The following R3HDM1 variants were observed in gnomAD, a reference collection of about 807,000 sequenced individuals.
The protein encoded by R3HDM1 is R3H domain containing 1.
In R3HDM1, 46 loss-of-function variants were observed where a neutral mutation model predicts 141.1. That is an observed-to-expected ratio of 0.33 (90% CI 0.26 to 0.42). R3HDM1 has a LOEUF of 0.42. R3HDM1 is among the 10% of genes least tolerant of loss of function. The probability of loss-of-function intolerance (pLI) is 1.00; values close to 1 mark genes in which losing one functional copy is unlikely to be tolerated. For synonymous variants in R3HDM1, 435 were observed against 472.9 expected, an observed-to-expected ratio of 0.92 and a Z score of 1.04; for missense variants, 1,184 against 1,368.3, an observed-to-expected ratio of 0.87 and a Z score of 2.12.
chr2:135,629,146 G>C (rs1292517873), intron 7 of R3HDM1, among the ~76,000 whole-genome samples: 1 of 151,804 alleles, frequency 6.6e-6, no homozygotes, highest in Non-Finnish European at 1.5e-5. Context: ...GTGAAACCCT[G>C]TGACTACTAA....
intron 7 of R3HDM1, among the ~76,000 whole-genome samples, chr2:135,629,548 A>T (rs962048293): frequency 1.3e-5 from 2 of 152,244 alleles, no homozygotes; most frequent in African/African-American, 4.8e-5. Context: ...ATAACTATAT[A>T]TGACAATAAT....
chr2:135,598,494 C>G (rs994436203), intron 1 of R3HDM1, among the ~76,000 whole-genome samples: 9 of 152,122 alleles, frequency 5.9e-5, no homozygotes. Context: ...ACAAATTGCC[C>G]CTCTTCTTGG....
At chr2:135,694,270 G>A (rs2072895586) in intron 21 of R3HDM1, among the ~76,000 whole-genome samples, 2 of 152,160 alleles carry the variant, frequency 1.3e-5, no homozygotes, top group South Asian at 4.1e-4. Flanking sequence ...CCTGAGATAG[G>A]CCAACCCAGT....
Position 135,721,830 on chromosome 2 carries a change from C to A in R3HDM1, c.2882-94C>A, listed in dbSNP as rs773190597. 3.9e-6 allele frequency: 4 copies of A among 1,026,766 alleles called. No individual in the cohort carries two copies. The East Asian group carries it at 1.1e-4, about 28-fold the overall frequency. 63.6% of individuals were successfully genotyped at this position (1,026,766 alleles called of 1,614,324 possible). On this transcript the variant is annotated intron_variant, in intron 24 of 26. Coordinates refer to ENST00000683871, the MANE Select transcript of R3HDM1 (RefSeq NM_001378107.1). ...CTCGAACTCCTGGCCTTAAGTAATCCGCCTGCCTCAGCCTCCCAAATTGCT... is the reference window on the plus strand; with the variant it reads ...CTCGAACTCCTGGCCTTAAGTAATCAGCCTGCCTCAGCCTCCCAAATTGCT...
rs1215526152 is a variant in R3HDM1, at chr2:135,641,658, A to G, written c.1342A>G (p.Ser448Gly). The change falls in exon 15 of 27, where the codon AGC becomes GGC. Residue 448 changes from serine (S) to glycine (G), a missense_variant. Coordinates refer to ENST00000683871, the MANE Select transcript of R3HDM1 (RefSeq NM_001378107.1). Reference protein sequence around the residue: ...HGAPVVYPTVSTHSSLSFDGG... With the variant: ...HGAPVVYPTVGTHSSLSFDGG... ...CGCACCTGTCGTCTATCCAACTGTCAGCACTCATAGTTCTCTTTCCTTTGA... is the reference window on the plus strand; with the variant it reads ...CGCACCTGTCGTCTATCCAACTGTCGGCACTCATAGTTCTCTTTCCTTTGA... 2 of 1,614,032 alleles carry G rather than the reference A, an allele frequency of 1.2e-6. No homozygotes were observed. Among genetic ancestry groups the G allele is most frequent in the African/African-American group, 2.7e-5 (2 of 74,914 alleles).
chr2:135,552,629 A>G (rs1384922782), intron 1 of R3HDM1, among the ~76,000 whole-genome samples: 3 of 152,154 alleles, frequency 2.0e-5, no homozygotes, highest in African/African-American at 7.2e-5. Context: ...CAAAAATACT[A>G]TATTTATTTA....
chr2:135,548,007 C>G (rs1017234433), intron 1 of R3HDM1, among the ~76,000 whole-genome samples: 8 of 152,012 alleles, frequency 5.3e-5, no homozygotes, highest in Non-Finnish European at 5.9e-5. Flanking sequence ...CTCCTGACCT[C>G]GTGATCCACC....
Position 135,661,409 on chromosome 2 carries a change from T to C in R3HDM1, c.2152+16T>C. 6.2e-7 allele frequency: 1 copy of C among 1,613,172 alleles called. No individual in the cohort carries two copies. Among genetic ancestry groups the C allele is most frequent in the Non-Finnish European group, 8.5e-7 (1 of 1,179,334 alleles). ...CAGCAGACAGGTGAGTTGTGTTTCT[T>C]ATGTCATAACTTCTGAGCCACACTT... On this transcript the variant is annotated intron_variant, in intron 19 of 26. Transcript: ENST00000683871.
At chr2:135,658,401 C>T (rs1250339904) in intron 18 of R3HDM1, among the ~76,000 whole-genome samples, 1 of 152,282 alleles carries the variant, frequency 6.6e-6, no homozygotes, top group South Asian at 2.1e-4. Context: ...CTCCTGACCT[C>T]GTGATCTGCC....
chr2:135,594,842 A>C (rs1405976759), intron 1 of R3HDM1, among the ~76,000 whole-genome samples: 1 of 151,876 alleles, frequency 6.6e-6, no homozygotes, highest in Non-Finnish European at 1.5e-5. Context: ...TGTGGCCTAC[A>C]CACTTTTTCA....
rs192521511 is a variant in R3HDM1, at chr2:135,670,010, G to A, written c.2153-5322G>A. ...AAATATTAGCTGGGTATGCTGGCAC[G>A]CACCTGTAATCCCAGCTCCTTGGGC... is the stretch of plus-strand genomic sequence containing the variant. On this transcript the variant is annotated intron_variant, in intron 19 of 26. Coordinates refer to ENST00000683871, the MANE Select transcript of R3HDM1 (RefSeq NM_001378107.1). Among the ~76,000 whole-genome samples the A allele has an allele frequency of 3.4e-3, 523 of 151,754 alleles. 6 individuals carry two copies. The highest frequency in any genetic ancestry group is 0.023 in the Admixed American group (346 of 15,238).
intron 1 of R3HDM1, among the ~76,000 whole-genome samples, chr2:135,596,497 A>T (rs1220689603): frequency 6.6e-6 from 1 of 152,118 alleles, no homozygotes; most frequent in African/African-American, 2.4e-5. Flanking sequence ...AATAATACAG[A>T]TGTGATTTGA....
At chr2:135,645,942 A>G (rs1261691373) in intron 16 of R3HDM1, among the ~76,000 whole-genome samples, 1 of 152,222 alleles carries the variant, frequency 6.6e-6, no homozygotes, top group Non-Finnish European at 1.5e-5. Context: ...CTCTTCATCC[A>G]TTCTACCTAC....
chr2:135,721,982 G>T lies in R3HDM1; in HGVS notation c.2940G>T (p.Leu980=), dbSNP rs750923209. ...QPLQYNPPAV[L]HGHIPNQQGQ... is the part of the protein sequence containing the mutation. ...TGCAGTACAATCCTCCTGCTGTTCT[G>T]CACGGACACATTCCAAACCAACAGG... Residue 980 remains leucine, a synonymous_variant, in exon 25 of 27, where the codon CTG becomes CTT. Transcript: ENST00000683871. 6.2e-7 allele frequency: 1 copy of T among 1,613,544 alleles called. No individual in the cohort carries two copies. Among genetic ancestry groups the T allele is most frequent in the Non-Finnish European group, 8.5e-7 (1 of 1,179,610 alleles).
At chr2:135,680,068 A>C in intron 20 of R3HDM1, 105 bp from the exon 21 acceptor site, 1 of 1,202,852 alleles carries the variant, frequency 8.3e-7, no homozygotes, top group East Asian at 2.4e-5. Flanking sequence ...CAACAGAGCA[A>C]GAATTCATCT....
intron 5 of R3HDM1, chr2:135,620,689 G>T (rs2061442206): frequency 1.1e-6 from 1 of 944,844 alleles, no homozygotes; most frequent in South Asian, 4.9e-5. Context: ...AACTGGTGTA[G>T]AATTTATTAT....
intron 1 of R3HDM1, among the ~76,000 whole-genome samples, chr2:135,599,435 T>G (rs1033673656): frequency 1.3e-5 from 2 of 152,248 alleles, no homozygotes; most frequent in Non-Finnish European, 2.9e-5. Flanking sequence ...TTTTTTTCTC[T>G]AAGTTGTCTT....
At chr2:135,663,068 A>G (rs932429080) in intron 19 of R3HDM1, among the ~76,000 whole-genome samples, 3 of 151,698 alleles carry the variant, frequency 2.0e-5, no homozygotes, top group African/African-American at 7.3e-5. Flanking sequence ...TCCATGGTCA[A>G]ACTGCCTATA....
rs1429280558 is a variant in R3HDM1 at position 135,571,054 on chromosome 2, C to T, written c.-249-31446C>T. Among the ~76,000 whole-genome samples, 6 of 152,106 alleles carry T rather than the reference C, an allele frequency of 3.9e-5. No individual in the cohort carries two copies. In the South Asian group the frequency reaches 1.2e-3, roughly 31 times the overall value. ...AATAACTATACATTGTTTTTTAAAACATGCCTATACTGCCAGAAATTCCTG... is the reference window on the plus strand; with the variant it reads ...AATAACTATACATTGTTTTTTAAAATATGCCTATACTGCCAGAAATTCCTG... On this transcript the variant is annotated intron_variant, in intron 1 of 26. Coordinates refer to ENST00000683871, the MANE Select transcript of R3HDM1 (RefSeq NM_001378107.1).
Sources: gnomAD v4.1 joint callset for allele counts (sites outside exome capture counted in the v4.1 genomes callset) on GRCh38, gnomAD v4.1.1 for gene constraint, MANE v1.5 for transcripts, NCBI Gene and HGNC (gene_info 2026-07-23, HGNC 2026-07-21) for gene names.